Variants in ARHGEF10L observed in about 807,000 individuals in gnomAD.
ARHGEF10L encodes the protein Rho guanine nucleotide exchange factor 10 like.
Under a neutral mutation model 141.2 loss-of-function variants are expected in ARHGEF10L, and 69 were observed. The observed-to-expected ratio is 0.49, with a 90% CI of 0.40 to 0.60. The LOEUF (loss-of-function observed/expected upper bound fraction) is 0.60. Ranked by LOEUF, ARHGEF10L falls within the 20% of genes least tolerant of loss-of-function variation. ARHGEF10L has a pLI of 0.00. For synonymous variants in ARHGEF10L, 711 were observed against 718.5 expected, an observed-to-expected ratio of 0.99 and a Z score of 0.17; for missense variants, 1,482 against 1,734.3, an observed-to-expected ratio of 0.85 and a Z score of 2.58.
At chr1:17,679,851 G>A (rs1558017095) in intron 26 of ARHGEF10L, among the ~76,000 whole-genome samples, 1 of 152,184 alleles carries the variant, frequency 6.6e-6, no homozygotes, top group Non-Finnish European at 1.5e-5. Context: ...ATTAAAGGGA[G>A]GCAGAGTAGG....
intron 4 of ARHGEF10L, among the ~76,000 whole-genome samples, chr1:17,595,871 A>G (rs2080046735): frequency 6.6e-6 from 1 of 152,178 alleles, no homozygotes; most frequent in Non-Finnish European, 1.5e-5. Flanking sequence ...AGATATGGAA[A>G]CTGAGGCACG....
the ARHGEF10L span, among the ~76,000 whole-genome samples, chr1:17,524,555 G>A: frequency 1.3e-5 from 2 of 152,254 alleles, no homozygotes; most frequent in South Asian, 4.1e-4. Flanking sequence ...CTGGGCAGCA[G>A]AGTGAGACAC....
At chr1:17,632,520 C>T (rs528613890) in intron 16 of ARHGEF10L, 54 bp downstream of exon 16, 26 of 1,609,154 alleles carry the variant, frequency 1.6e-5, no homozygotes, top group African/African-American at 4.0e-5. Context: ...GACCCCATCC[C>T]GCCCTACTCC....
Position 17,602,014 on chromosome 1 carries a change from C to T in ARHGEF10L, c.258-113C>T. ...ACTCCACCTCAGGTCTCCCCAGCAG[C>T]CTGGCCCTCAGCCCACTTTTGCCCA... On this transcript the variant is annotated intron_variant, in intron 4 of 28. Coordinates refer to ENST00000361221, the MANE Select transcript of ARHGEF10L (RefSeq NM_018125.4). The T allele has an allele frequency of 1.0e-5, 10 of 953,018 alleles. No individual in the cohort carries two copies. The South Asian group carries it at 1.7e-4, about 16-fold the overall frequency. The allele number at this position is 953,018 out of a possible 1,614,324, so 59.0% of individuals were successfully genotyped here.
chr1:17,673,309 C>T lies in ARHGEF10L; in HGVS notation c.3009+8714C>T, dbSNP rs2063443147. ...CTCCCCTCCACTCTGTGTGTCTCTTCCACATCCCCCTCCCCTCTGAGCCCG... is the reference window on the plus strand; with the variant it reads ...CTCCCCTCCACTCTGTGTGTCTCTTTCACATCCCCCTCCCCTCTGAGCCCG... On this transcript the variant is annotated intron_variant, in intron 26 of 28. Coordinates refer to ENST00000361221, the MANE Select transcript of ARHGEF10L (RefSeq NM_018125.4). The surrounding 1 kb of genome is among the most constrained non-coding windows in gnomAD (Gnocchi z 4.1). Among the ~76,000 whole-genome samples, 1 of 152,232 alleles carries T rather than the reference C, an allele frequency of 6.6e-6. No individual in the cohort carries two copies. Among genetic ancestry groups the T allele is most frequent in the Non-Finnish European group, 1.5e-5 (1 of 68,014 alleles).
chr1:17,602,032 T>C, intron 4 of ARHGEF10L, 95 bp from the exon 5 acceptor site: 1 of 1,181,926 alleles, frequency 8.5e-7, no homozygotes, highest in Non-Finnish European at 1.2e-6. Context: ...TCAGCCCACT[T>C]TTGCCCATCA....
intron 21 of ARHGEF10L, among the ~76,000 whole-genome samples, chr1:17,642,816 C>T (rs888908432): frequency 6.6e-6 from 1 of 152,194 alleles, no homozygotes; most frequent in Non-Finnish European, 1.5e-5. Context: ...GCCATGCGCT[C>T]CCCTCCCCAC....
At chr1:17,589,767 T>C (rs1025316480) in intron 4 of ARHGEF10L, among the ~76,000 whole-genome samples, 2 of 152,206 alleles carry the variant, frequency 1.3e-5, no homozygotes, top group African/African-American at 4.8e-5. Flanking sequence ...CAAGGGTTTA[T>C]ATCTCCAGGG....
chr1:17,606,168 G>A (rs1002947473), intron 6 of ARHGEF10L, among the ~76,000 whole-genome samples: 2 of 152,172 alleles, frequency 1.3e-5, no homozygotes, highest in Non-Finnish European at 2.9e-5. Context: ...CAAGAGCTCC[G>A]TGCCTGTTTT....
chr1:17,678,001 GTGAGC>G (rs542644781), intron 26 of ARHGEF10L, among the ~76,000 whole-genome samples: 4 of 152,110 alleles, frequency 2.6e-5, no homozygotes, highest in Admixed American at 6.5e-5. Context: ...GGGGCTGCGG[GTGAGC>G]TGAGCTGAGC....
intron 4 of ARHGEF10L, among the ~76,000 whole-genome samples, chr1:17,590,944 G>A (rs764174151): frequency 1.3e-5 from 2 of 152,160 alleles, no homozygotes; most frequent in African/African-American, 4.8e-5. Flanking sequence ...GCGAGATTGC[G>A]CCATTTCACT....
rs764745554 is a variant in ARHGEF10L, at chr1:17,573,732, C to T, written c.-43-6821C>T. 6.6e-5 allele frequency among the ~76,000 whole-genome samples: 10 copies of T among 151,940 alleles called. No homozygotes were observed. Among genetic ancestry groups the T allele is most frequent in the African/African-American group, 2.2e-4 (9 of 41,364 alleles). On this transcript the variant is annotated intron_variant, in intron 1 of 28. Coordinates refer to ENST00000361221, the MANE Select transcript of ARHGEF10L (RefSeq NM_018125.4). The surrounding 1 kb of genome is among the most constrained non-coding windows in gnomAD (Gnocchi z 4.8). The stretch of plus-strand genomic sequence containing the variant: ...GTCCCCTCTGGCCTGGCCTCAGGGT[C>T]GGCTCCTTCCCACAGAGACCTACTC...
chr1:17,683,116 G>A (rs137863545), intron 26 of ARHGEF10L, among the ~76,000 whole-genome samples: 35 of 121,940 alleles, frequency 2.9e-4, no homozygotes, highest in African/African-American at 9.2e-4. Flanking sequence ...TGCTCTCACC[G>A]GGGTGCTCAC....
At chr1:17,552,155 A>C (rs1191383476) in intron 1 of ARHGEF10L, among the ~76,000 whole-genome samples, 1 of 152,050 alleles carries the variant, frequency 6.6e-6, no homozygotes, top group Non-Finnish European at 1.5e-5. Context: ...CCAGTGAGGG[A>C]GGCAGTCCCT....
At chr1:17,542,101 T>G (rs2076749545) in intron 1 of ARHGEF10L, among the ~76,000 whole-genome samples, 1 of 151,386 alleles carries the variant, frequency 6.6e-6, no homozygotes, top group South Asian at 2.1e-4. Flanking sequence ...ATTGTGCCAC[T>G]GCACTCCAGC....
intron 26 of ARHGEF10L, among the ~76,000 whole-genome samples, chr1:17,686,890 G>A (rs1357730966): frequency 6.6e-6 from 1 of 150,546 alleles, no homozygotes; most frequent in Non-Finnish European, 1.5e-5. Context: ...TATCCTGAAA[G>A]GCTCGTCCAC....
At chr1:17,655,187 C>G (rs1178050287) in intron 23 of ARHGEF10L, among the ~76,000 whole-genome samples, 1 of 152,180 alleles carries the variant, frequency 6.6e-6, no homozygotes, top group Non-Finnish European at 1.5e-5. Flanking sequence ...ATTGCTGCTT[C>G]CCTTCTGAGA....
chr1:17,626,840 C>A (rs769474265), intron 14 of ARHGEF10L, among the ~76,000 whole-genome samples: 1 of 152,360 alleles, frequency 6.6e-6, no homozygotes, highest in Non-Finnish European at 1.5e-5. Flanking sequence ...TAGGAAAACA[C>A]GTATACGTGG....
intron 26 of ARHGEF10L, among the ~76,000 whole-genome samples, chr1:17,669,817 G>A (rs1363805301): frequency 6.6e-6 from 1 of 152,246 alleles, no homozygotes; most frequent in African/African-American, 2.4e-5. Flanking sequence ...AAATGAGCAA[G>A]GTGGGCTCAG....
Sources: allele counts gnomAD v4.1 joint callset (sites outside exome capture counted in the v4.1 genomes callset), GRCh38; gene constraint gnomAD v4.1.1; non-coding constraint Gnocchi (gnomAD v3.1); transcripts MANE v1.5; gene names NCBI Gene and HGNC (gene_info 2026-07-23, HGNC 2026-07-21).